ATP2C2: variants seen among roughly 807,000 people sequenced by gnomAD.
The protein encoded by ATP2C2 is ATPase secretory pathway Ca2+ transporting 2.
Under a neutral mutation model 110.8 loss-of-function variants are expected in ATP2C2, and 171 were observed. That is an observed-to-expected ratio of 1.54 (90% CI 1.36 to 1.75). The LOEUF (loss-of-function observed/expected upper bound fraction) is 1.75. Ranked by LOEUF, ATP2C2 falls within the 40% of genes most tolerant of loss-of-function variation. The pLI, the probability that ATP2C2 is intolerant of heterozygous loss-of-function variation, is 0.00. For missense variants in ATP2C2, 1,963 were observed against 1,235.0 expected (o/e 1.59, Z -8.84); for synonymous variants, 804 against 508.4 (o/e 1.58, Z -7.82).
chr16:84,380,422 T>C lies in ATP2C2; in HGVS notation c.99+11708T>C, dbSNP rs992034479. ...TGTCTTAAGTTTTTCTCATAAACCA[T>C]AAATAAAAATTGGCACAATTTAAAG... is the stretch of plus-strand genomic sequence containing the variant. On this transcript the variant is annotated intron_variant, in intron 1 of 26. Coordinates refer to ENST00000262429, the MANE Select transcript of ATP2C2 (RefSeq NM_014861.4). Among the ~76,000 whole-genome samples, 4 of 152,182 alleles carry C rather than the reference T, an allele frequency of 2.6e-5. No individual in the cohort carries two copies. The East Asian group carries it at 5.8e-4, about 22-fold the overall frequency.
At chr16:84,408,260 C>T in intron 3 of ATP2C2, 145 bp from the exon 4 acceptor site, 2 of 716,202 alleles carry the variant, frequency 2.8e-6, no homozygotes, top group Non-Finnish European at 2.4e-6. Flanking sequence ...TGGGGGTGGT[C>T]TCCCCAGCCC....
chr16:84,453,234 A>G lies in ATP2C2; in HGVS notation c.1928A>G (p.Lys643Arg). The change falls in exon 19 of 27, where the codon AAG (lysine) becomes AGG (arginine). Residue 643 changes from lysine to arginine, a missense_variant and splice_region_variant. By Grantham distance (26) the Lys-to-Arg change is conservative. Coordinates refer to ENST00000262429, the MANE Select transcript of ATP2C2 (RefSeq NM_014861.4). Reference sequence around the variant, plus strand: ...GGCGAGCTGGCCGACCGCGTGGGGAAGGTGGGTCCCCGGAGGCTTGGCTGG... The same window carrying G: ...GGCGAGCTGGCCGACCGCGTGGGGAGGGTGGGTCCCCGGAGGCTTGGCTGG... ...EKGELADRVGKVSVFFRTSPK... is the reference protein window; with the variant it reads ...EKGELADRVGRVSVFFRTSPK... 6.2e-7 allele frequency: 1 copy of G among 1,613,962 alleles called. No individual in the cohort carries two copies.
At chr16:84,402,357 G>T (rs1206118999) in intron 2 of ATP2C2, among the ~76,000 whole-genome samples, 1 of 152,084 alleles carries the variant, frequency 6.6e-6, no homozygotes, top group Non-Finnish European at 1.5e-5. Flanking sequence ...ACAGTATTCT[G>T]TTGAATAGTA....
intron 2 of ATP2C2, among the ~76,000 whole-genome samples, chr16:84,403,626 A>G (rs1597772116): frequency 6.6e-6 from 1 of 152,132 alleles, no homozygotes; most frequent in African/African-American, 2.4e-5. Context: ...TTTGAAGTGT[A>G]CATTGTAGTT....
chr16:84,459,619 T>C, intron 23 of ATP2C2: 7 of 1,523,092 alleles, frequency 4.6e-6, no homozygotes, highest in Non-Finnish European at 5.3e-6. Context: ...CTGCTCCCTC[T>C]GCCTGGATGC....
In ATP2C2 at chr16:84,411,889, G is replaced by A. The variant is rs1409319905; in HGVS notation, c.515+1124G>A. On this transcript the variant is annotated intron_variant, in intron 6 of 26. Coordinates refer to ENST00000262429, the MANE Select transcript of ATP2C2 (RefSeq NM_014861.4). The stretch of plus-strand genomic sequence containing the variant: ...TGCCATTGGTGGAGGAAGCTGACAG[G>A]CCCAGGAGGGAAAACAGCTTTTTCC... Among the ~76,000 whole-genome samples, 4 of 152,114 alleles carry A rather than the reference G, an allele frequency of 2.6e-5. No homozygotes were observed. In the East Asian group the frequency reaches 7.7e-4, roughly 29 times the overall value.
intron 21 of ATP2C2, among the ~76,000 whole-genome samples, chr16:84,458,873 A>G (rs1910957089): frequency 6.6e-6 from 1 of 152,202 alleles, no homozygotes; most frequent in Non-Finnish European, 1.5e-5. Flanking sequence ...TGGAGGCATC[A>G]GGTGTACCCT....
chr16:84,383,987 C>T (rs539263842), intron 1 of ATP2C2, among the ~76,000 whole-genome samples: 16 of 152,066 alleles, frequency 1.1e-4, no homozygotes, highest in South Asian at 4.2e-4. Context: ...CTGGGTTTCA[C>T]GCTGTTGTCC....
In ATP2C2 at chr16:84,443,987, C is replaced by T. The variant is rs535987918; in HGVS notation, c.1401+1388C>T. Among the ~76,000 whole-genome samples the T allele has an allele frequency of 2.2e-3, 336 of 151,404 alleles. 4 individuals carry two copies. Among genetic ancestry groups the T allele is most frequent in the African/African-American group, 7.7e-3 (316 of 41,218 alleles). On this transcript the variant is annotated intron_variant, in intron 15 of 26. Coordinates refer to ENST00000262429, the MANE Select transcript of ATP2C2 (RefSeq NM_014861.4). ...TTTGAGACCAGCCTGGGCAACATAG[C>T]GAAAACCCATCTCTACAAAAAATAT... is the stretch of plus-strand genomic sequence containing the variant.
intron 14 of ATP2C2, among the ~76,000 whole-genome samples, 175 bp downstream of exon 14, chr16:84,441,133 G>A (rs1422739760): frequency 2.6e-5 from 4 of 152,206 alleles, no homozygotes; most frequent in East Asian, 1.9e-4. Context: ...GGAGACATCA[G>A]AAGTAAGACG....
chr16:84,369,750 T>C (rs1205349061), intron 1 of ATP2C2, among the ~76,000 whole-genome samples: 25 of 152,262 alleles, frequency 1.6e-4, no homozygotes, highest in Admixed American at 1.6e-3. Context: ...GATTAAGTAT[T>C]CGTGCTTTTT....
rs192338939 is a variant in ATP2C2 at position 84,383,418 on chromosome 16, G to A, written c.99+14704G>A. ...TGGTGAGATAGAGGAGTGAAGGTGC[G>A]CGTGATGATAAGCAGCCATGTCTGG... On this transcript the variant is annotated intron_variant, in intron 1 of 26. Transcript: ENST00000262429. 4.6e-5 allele frequency among the ~76,000 whole-genome samples: 7 copies of A among 152,328 alleles called. 1 individual carries two copies. Among genetic ancestry groups the A allele is most frequent in the Admixed American group, 2.6e-4 (4 of 15,298 alleles).
At chr16:84,459,488 A>C (rs747478708) in intron 23 of ATP2C2, 102 bp downstream of exon 23, 77 of 1,592,736 alleles carry the variant, frequency 4.8e-5, no homozygotes, top group Non-Finnish European at 8.5e-7. Context: ...ATGAACAAAT[A>C]CAGCCACTTT....
intron 6 of ATP2C2, among the ~76,000 whole-genome samples, chr16:84,413,264 T>C (rs1055847688): frequency 2.0e-5 from 3 of 152,248 alleles, no homozygotes; most frequent in Admixed American, 2.0e-4. Flanking sequence ...CCCAGGCACA[T>C]GTTGTGCAAC....
intron 18 of ATP2C2, among the ~76,000 whole-genome samples, chr16:84,452,800 C>G (rs1340420087): frequency 1.3e-5 from 2 of 152,032 alleles, no homozygotes; most frequent in African/African-American, 4.8e-5. Context: ...CGCCCAGCCC[C>G]TCTAGTTACT....
intron 23 of ATP2C2, 169 bp downstream of exon 23, chr16:84,459,555 G>T: frequency 6.5e-7 from 1 of 1,537,842 alleles, no homozygotes; most frequent in Non-Finnish European, 8.7e-7. Flanking sequence ...ACTGGGAGTA[G>T]AAGGCAGAGG....
At chr16:84,458,471 T>G (rs1285128382) in intron 21 of ATP2C2, among the ~76,000 whole-genome samples, 5 of 117,570 alleles carry the variant, frequency 4.3e-5, no homozygotes, top group Non-Finnish European at 1.8e-5. Flanking sequence ...AATGTGCACA[T>G]GTACCCTAAA....
intron 1 of ATP2C2, among the ~76,000 whole-genome samples, chr16:84,380,754 A>G (rs1331354311): frequency 2.6e-5 from 4 of 152,246 alleles, no homozygotes; most frequent in Non-Finnish European, 4.4e-5. Context: ...ACAATGGGGT[A>G]GTAACTAAGT....
chr16:84,411,832 A>T (rs1906323720), intron 6 of ATP2C2, among the ~76,000 whole-genome samples: 1 of 152,230 alleles, frequency 6.6e-6, no homozygotes, highest in African/African-American at 2.4e-5. Flanking sequence ...AGCTCAGCTT[A>T]GAACATCTGC....
Sources: allele counts gnomAD v4.1 joint callset (sites outside exome capture counted in the v4.1 genomes callset), GRCh38; gene constraint gnomAD v4.1.1; transcripts MANE v1.5; gene names NCBI Gene and HGNC (gene_info 2026-07-23, HGNC 2026-07-21).